Variants in KCNMA1 observed in about 807,000 individuals in gnomAD.
KCNMA1 encodes the protein Calcium-activated potassium channel subunit alpha-1.
A neutral mutation model predicts 140.0 loss-of-function variants in KCNMA1; 29 were observed. That is an observed-to-expected ratio of 0.21 (90% CI 0.15 to 0.28). The LOEUF is 0.28. Among genes scored for constraint, KCNMA1 ranks in the 10% least tolerant of loss-of-function variants. KCNMA1 has a pLI of 1.00. For missense variants in KCNMA1, 880 were observed against 1,602.2 expected (o/e 0.55, Z 7.70); for synonymous variants, 612 against 611.9 (o/e 1.00, Z 0.00).
At chr10:76,980,222 C>G (rs1407652606) in intron 19 of KCNMA1, 1 of 152,134 alleles carries the variant, frequency 6.6e-6, no homozygotes, top group Non-Finnish European at 1.5e-5. Context: ...GACCCAGGAC[C>G]CAGGTCGGCT....
chr10:77,328,541 G>A (rs1160863941), intron 2 of KCNMA1, among the ~76,000 whole-genome samples: 1 of 152,208 alleles, frequency 6.6e-6, no homozygotes, highest in East Asian at 1.9e-4. Context: ...GAACACAGGC[G>A]TAGCTTAACT....
At position 77,093,287 on chromosome 10, in the gene KCNMA1, A is replaced by G. The variant is rs16934248; in HGVS notation, c.1224-2777T>C. Among the ~76,000 whole-genome samples the G allele has an allele frequency of 2.7e-3, 415 of 152,320 alleles. 16 individuals are homozygous for G. The East Asian group carries it at 0.075, about 27-fold the overall frequency. ...CTCAGAAAAAAAGCGAGATTGATTG[A>G]AAGCAGATTGCCTTTTTGCCCAAGG... On this transcript the variant is annotated intron_variant, in intron 9 of 27. Coordinates refer to ENST00000286628, the MANE Select transcript of KCNMA1 (RefSeq NM_001161352.2).
intron 2 of KCNMA1, among the ~76,000 whole-genome samples, chr10:77,401,690 C>T (rs1045323295): frequency 1.3e-5 from 2 of 152,178 alleles, no homozygotes; most frequent in Admixed American, 1.3e-4. Flanking sequence ...TCCAGCCCAC[C>T]TAGTGGTCAT....
Position 76,889,494 on chromosome 10 carries a change from G to T in KCNMA1, c.3418C>A (p.Leu1140Met). Reference protein sequence around the residue: ...YNMLCFGIYRLRDAHLSTPSQ... With the variant: ...YNMLCFGIYRMRDAHLSTPSQ... ...GGGGTGCTGAGGTGAGCATCTCTCAGCCGGTAAATTCCAAAACAAAGCATA... is the reference window on the plus strand; with the variant it reads ...GGGGTGCTGAGGTGAGCATCTCTCATCCGGTAAATTCCAAAACAAAGCATA... The change falls in exon 27 of 28, where the codon CTG (leucine) becomes ATG (methionine). Residue 1140 changes from leucine (L) to methionine (M), a missense_variant. By Grantham distance (15) the Leu-to-Met change is conservative. Coordinates refer to ENST00000286628, the MANE Select transcript of KCNMA1 (RefSeq NM_001161352.2). 1 of 1,614,000 alleles carries T rather than the reference G, an allele frequency of 6.2e-7. No homozygotes were observed. Among genetic ancestry groups the T allele is most frequent in the South Asian group, 1.1e-5 (1 of 91,080 alleles).
chr10:77,174,314 A>C (rs760704200), intron 5 of KCNMA1, among the ~76,000 whole-genome samples: 1 of 152,198 alleles, frequency 6.6e-6, no homozygotes, highest in South Asian at 2.1e-4. Flanking sequence ...CCATTGGTCC[A>C]TTCACTCAAA....
chr10:77,565,245 G>C (rs2067812585), intron 1 of KCNMA1, among the ~76,000 whole-genome samples: 1 of 152,176 alleles, frequency 6.6e-6, no homozygotes, highest in Non-Finnish European at 1.5e-5. Context: ...AGGGATTCCA[G>C]GGATTCCCTC....
chr10:77,262,225 G>T (rs1048897860), intron 2 of KCNMA1, among the ~76,000 whole-genome samples: 1 of 152,170 alleles, frequency 6.6e-6, no homozygotes, highest in Non-Finnish European at 1.5e-5. Context: ...ATACTATTCA[G>T]TGTTAATAAA....
intron 20 of KCNMA1, among the ~76,000 whole-genome samples, chr10:76,965,811 T>C (rs542398041): frequency 6.6e-6 from 1 of 152,288 alleles, no homozygotes; most frequent in African/African-American, 2.4e-5. Context: ...GTTACAGGCA[T>C]CCAGTCTCGG....
intron 2 of KCNMA1, among the ~76,000 whole-genome samples, chr10:77,258,547 A>G (rs2061304928): frequency 6.6e-6 from 1 of 152,208 alleles, no homozygotes; most frequent in Admixed American, 6.5e-5. Context: ...AGCCTTCCAG[A>G]AGCTCAGACT....
chr10:77,086,693 AGAG>A, intron 10 of KCNMA1, 100 bp from the exon 11 acceptor site: 2 of 820,980 alleles, frequency 2.4e-6, no homozygotes, highest in South Asian at 2.9e-5. Context: ...AGCCCTGGGG[AGAG>A]GCTGTGACCT....
At chr10:77,403,535 T>C (rs778732411) in intron 2 of KCNMA1, among the ~76,000 whole-genome samples, 5 of 152,164 alleles carry the variant, frequency 3.3e-5, no homozygotes, top group Non-Finnish European at 7.3e-5. Context: ...GTTTCTGGTA[T>C]ATTTCCTTAA....
At chr10:77,286,592 T>A (rs1193451591) in intron 2 of KCNMA1, among the ~76,000 whole-genome samples, 2 of 152,100 alleles carry the variant, frequency 1.3e-5, no homozygotes, top group African/African-American at 4.8e-5. Context: ...CTTCCAAAAT[T>A]CCCATGGAAG....
intron 1 of KCNMA1, among the ~76,000 whole-genome samples, chr10:77,481,605 T>G (rs2098397779): frequency 6.6e-6 from 1 of 151,862 alleles, no homozygotes. Flanking sequence ...AAAGCCCATC[T>G]CTACTAAAAA....
rs2068703633 is a variant in KCNMA1, at chr10:76,957,131, A to G, written c.2361-3207T>C. On this transcript the variant is annotated intron_variant, in intron 20 of 27. Transcript: ENST00000286628. ...CAACAGAGCGAGACTCTGTCTCAAA[A>G]AAAAAAAAAAAAAAAAAAAAATTAG... 2.7e-5 allele frequency among the ~76,000 whole-genome samples: 4 copies of G among 147,200 alleles called. No individual in the cohort carries two copies. The East Asian group carries it at 8.0e-4, about 29-fold the overall frequency.
chr10:76,910,273 C>T lies in KCNMA1; in HGVS notation c.3017-177G>A, dbSNP rs144736554. On this transcript the variant is annotated intron_variant, in intron 24 of 27. Coordinates refer to ENST00000286628, the MANE Select transcript of KCNMA1 (RefSeq NM_001161352.2). ...GGGCAGTGGGACTCAATGGACTGTT[C>T]CTGTGTCACTGTTTAAGTGTCTGAG... 355 of 657,450 alleles carry T rather than the reference C, an allele frequency of 5.4e-4. 4 individuals are homozygous for T. In the East Asian group the frequency reaches 0.01, roughly 19 times the overall value. 40.7% of individuals were successfully genotyped at this position (657,450 alleles called of 1,614,324 possible). A position where few individuals can be genotyped will look rare whatever the true frequency, so the allele number is the denominator to read the frequency against.
At chr10:77,554,227 A>C (rs2063573482) in intron 1 of KCNMA1, among the ~76,000 whole-genome samples, 2 of 152,168 alleles carry the variant, frequency 1.3e-5, no homozygotes, top group Admixed American at 6.5e-5. Flanking sequence ...CAGAGACAGG[A>C]TCAAAGGCTC....
At chr10:77,119,506 T>A (rs563159506) in intron 6 of KCNMA1, among the ~76,000 whole-genome samples, 1 of 152,314 alleles carries the variant, frequency 6.6e-6, no homozygotes, top group East Asian at 1.9e-4. Flanking sequence ...GCGTTCCATC[T>A]TTAAAACACA....
intron 1 of KCNMA1, among the ~76,000 whole-genome samples, chr10:77,623,409 G>C (rs1268865598): frequency 6.6e-6 from 1 of 152,074 alleles, no homozygotes; most frequent in Non-Finnish European, 1.5e-5. Context: ...AGAAGTACTT[G>C]GAACAGCTGG....
At chr10:76,968,914 A>G (rs532012053) in intron 20 of KCNMA1, among the ~76,000 whole-genome samples, 1 of 152,302 alleles carries the variant, frequency 6.6e-6, no homozygotes, top group South Asian at 2.1e-4. Context: ...GTTATTGAAT[A>G]TGGGGAGTGG....
Sources: gnomAD v4.1 joint callset for allele counts (sites outside exome capture counted in the v4.1 genomes callset) on GRCh38, gnomAD v4.1.1 for gene constraint, MANE v1.5 for transcripts, NCBI Gene and HGNC (gene_info 2026-07-23, HGNC 2026-07-21) for gene names.